Variants in PTPRN2 observed in about 807,000 individuals in gnomAD.
PTPRN2 encodes receptor-type tyrosine-protein phosphatase N2.
A neutral mutation model predicts 118.8 loss-of-function variants in PTPRN2; 74 were observed. The ratio of observed to expected loss-of-function variants is 0.62; its 90% CI spans 0.52 to 0.76. The LOEUF (loss-of-function observed/expected upper bound fraction) is 0.76, where lower values mean the gene tolerates loss of function less well. Ranked by LOEUF, PTPRN2 falls within the 30% of genes least tolerant of loss-of-function variation. The pLI is 0.00. For synonymous variants in PTPRN2, 641 were observed against 608.0 expected, an observed-to-expected ratio of 1.05 and a Z score of -0.80; for missense variants, 1,481 against 1,394.4, an observed-to-expected ratio of 1.06 and a Z score of -0.99.
intron 3 of PTPRN2, among the ~76,000 whole-genome samples, chr7:158,224,469 G>T (rs1041705920): frequency 9.9e-5 from 15 of 152,164 alleles, no homozygotes; most frequent in Non-Finnish European, 1.9e-4. Flanking sequence ...TGACAAAGAT[G>T]CATAAACAAT....
chr7:157,768,406 A>G lies in PTPRN2; in HGVS notation c.1789-85469T>C, dbSNP rs377750203. 4.9e-3 allele frequency among the ~76,000 whole-genome samples: 739 copies of G among 152,316 alleles called. 7 individuals carry two copies. Among genetic ancestry groups the G allele is most frequent in the African/African-American group, 0.017 (717 of 41,576 alleles). On this transcript the variant is annotated intron_variant, in intron 12 of 22. Transcript: ENST00000389418. ...CATCCTCAGGCTTTGCTTTGGGGCC[A>G]AGAAGCGACCCCCCTACAGTGACAG...
chr7:158,358,249 T>G (rs1808551897), intron 2 of PTPRN2, among the ~76,000 whole-genome samples: 1 of 152,058 alleles, frequency 6.6e-6, no homozygotes, highest in African/African-American at 2.4e-5. Context: ...CTTAAACTGG[T>G]GGGAGGGGCG....
chr7:158,341,545 T>C (rs28673367), intron 2 of PTPRN2, among the ~76,000 whole-genome samples: 14,288 of 22,900 alleles, frequency 0.62, 4,657 homozygotes, highest in African/African-American at 0.71. Flanking sequence ...AGAGGTGACA[T>C]CTGCAGACGT....
intron 12 of PTPRN2, among the ~76,000 whole-genome samples, chr7:157,693,584 C>T (rs1339363418): frequency 6.6e-6 from 1 of 152,030 alleles, no homozygotes; most frequent in Non-Finnish European, 1.5e-5. Flanking sequence ...GGGCGGGCGA[C>T]GGCGCCCCCA....
rs143382339 is a variant in PTPRN2 at position 157,885,023 on chromosome 7, A to C, written c.1788+13650T>G. 1.2e-3 allele frequency among the ~76,000 whole-genome samples: 182 copies of C among 152,204 alleles called. 1 individual carries two copies. Among genetic ancestry groups the C allele is most frequent in the African/African-American group, 4.0e-3 (168 of 41,528 alleles). ...CATGTGAATCCACTTCGGCTTGTTT[A>C]TCTCTTGTGAATCGGTTTTTTGTTA... is the stretch of plus-strand genomic sequence containing the variant. On this transcript the variant is annotated intron_variant, in intron 12 of 22. Coordinates refer to ENST00000389418, the MANE Select transcript of PTPRN2 (RefSeq NM_002847.5).
chr7:158,095,511 T>C (rs1427549698), intron 10 of PTPRN2, among the ~76,000 whole-genome samples: 2 of 152,150 alleles, frequency 1.3e-5, no homozygotes, highest in East Asian at 1.9e-4. Flanking sequence ...AGGAGCACAC[T>C]GAGGCCAGGT....
intron 1 of PTPRN2, among the ~76,000 whole-genome samples, chr7:158,542,307 T>C (rs760124665): frequency 4.6e-5 from 7 of 152,216 alleles, no homozygotes; most frequent in Admixed American, 6.5e-5. Flanking sequence ...CACGCCACCA[T>C]GCCCAGCTAA....
Position 157,640,641 on chromosome 7 carries a change from G to A in PTPRN2, c.2196+15716C>T, listed in dbSNP as rs145353122. 3.5e-3 allele frequency among the ~76,000 whole-genome samples: 534 copies of A among 152,186 alleles called. 3 individuals carry two copies. Among genetic ancestry groups the A allele is most frequent in the African/African-American group, 0.012 (510 of 41,516 alleles). ...CAGTAAAGGTTAATCAGGAAGGAGC[G>A]GCCCACAAAGGAACCACCATCAGAC... is the stretch of plus-strand genomic sequence containing the variant. On this transcript the variant is annotated intron_variant, in intron 14 of 22. Coordinates refer to ENST00000389418, the MANE Select transcript of PTPRN2 (RefSeq NM_002847.5).
At chr7:157,673,220 C>T (rs1195408360) in intron 13 of PTPRN2, among the ~76,000 whole-genome samples, 1 of 152,146 alleles carries the variant, frequency 6.6e-6, no homozygotes, top group Non-Finnish European at 1.5e-5. Flanking sequence ...GACGGGGTTT[C>T]GCCATGTTGG....
chr7:158,029,945 G>A (rs1353461924), intron 11 of PTPRN2: 2 of 152,264 alleles, frequency 1.3e-5, no homozygotes, highest in African/African-American at 2.4e-5. Flanking sequence ...AATGAGGATG[G>A]GCTCTATGTA....
intron 2 of PTPRN2, among the ~76,000 whole-genome samples, chr7:158,480,534 G>A (rs1482808145): frequency 6.6e-6 from 1 of 152,208 alleles, no homozygotes; most frequent in African/African-American, 2.4e-5. Context: ...TAAATCAGAA[G>A]CTAGAAATGA....
At chr7:158,346,309 C>T (rs1312232828) in intron 2 of PTPRN2, among the ~76,000 whole-genome samples, 3 of 152,332 alleles carry the variant, frequency 2.0e-5, no homozygotes, top group East Asian at 3.9e-4. Flanking sequence ...CCCCTGGCCT[C>T]TGGCGACCTC....
At chr7:158,452,065 C>T (rs1381163533) in intron 2 of PTPRN2, among the ~76,000 whole-genome samples, 1 of 152,084 alleles carries the variant, frequency 6.6e-6, no homozygotes, top group African/African-American at 2.4e-5. Context: ...TATCATATAC[C>T]AAATACCCAT....
In PTPRN2 at chr7:158,207,483, A is replaced by G. The variant is rs867886069; in HGVS notation, c.278-2210T>C. Among the ~76,000 whole-genome samples, 5 of 152,254 alleles carry G rather than the reference A, an allele frequency of 3.3e-5. No individual in the cohort carries two copies. In the South Asian group the frequency reaches 1.0e-3, roughly 32 times the overall value. On this transcript the variant is annotated intron_variant, in intron 3 of 22. Coordinates refer to ENST00000389418, the MANE Select transcript of PTPRN2 (RefSeq NM_002847.5). ...TTAAACTAAAGAGCTTCTGCACAGC[A>G]AAAGAAACTACCATCAGAGTGAACA... is the stretch of plus-strand genomic sequence containing the variant.
At chr7:158,218,240 A>G (rs1828094871) in intron 3 of PTPRN2, among the ~76,000 whole-genome samples, 1 of 147,210 alleles carries the variant, frequency 6.8e-6, no homozygotes, top group Non-Finnish European at 1.5e-5. Context: ...GATAGCAGAC[A>G]TGTCAGAAAA....
chr7:157,773,746 C>T (rs1235232615), intron 12 of PTPRN2, among the ~76,000 whole-genome samples: 1 of 152,236 alleles, frequency 6.6e-6, no homozygotes, highest in East Asian at 1.9e-4. Context: ...TGTTCCCGAA[C>T]CTCAGCCCCC....
intron 3 of PTPRN2, among the ~76,000 whole-genome samples, chr7:158,284,814 T>G (rs748734793): frequency 6.6e-6 from 1 of 152,228 alleles, no homozygotes; most frequent in Admixed American, 6.5e-5. Flanking sequence ...GAACTTCTAC[T>G]ACATATGTGT....
intron 11 of PTPRN2, among the ~76,000 whole-genome samples, chr7:158,018,966 C>CAAAAAAAAA (rs753498681): frequency 2.4e-4 from 16 of 65,808 alleles, no homozygotes; most frequent in African/African-American, 3.1e-4. Flanking sequence ...GTTTCAAAAA[C>CAAAAAAAAA]AAAAAAAAAA....
chr7:158,141,918 G>A lies in PTPRN2; in HGVS notation c.911-3403C>T, dbSNP rs139174050. 2.0e-3 allele frequency among the ~76,000 whole-genome samples: 309 copies of A among 152,336 alleles called. 1 individual carries two copies. The highest frequency in any genetic ancestry group is 7.0e-3 in the African/African-American group (290 of 41,578). On this transcript the variant is annotated intron_variant, in intron 6 of 22. Transcript: ENST00000389418. ...CACGAAATGTGTGACGGACACGGGC[G>A]TTCTGATCGGAGCGTGCTGGGCGTT...
Sources: gnomAD v4.1 joint callset for allele counts (sites outside exome capture counted in the v4.1 genomes callset) on GRCh38, gnomAD v4.1.1 for gene constraint, MANE v1.5 for transcripts, NCBI Gene and HGNC (gene_info 2026-07-23, HGNC 2026-07-21) for gene names.